Variants in FGF10 observed in about 807,000 individuals in gnomAD.
FGF10 encodes the protein FGF-10.
FGF10 carries 2 observed loss-of-function variants against 19.8 expected under a neutral mutation model. The ratio of observed to expected loss-of-function variants is 0.10; its 90% CI spans 0.04 to 0.32. FGF10 has a LOEUF of 0.32. Ranked by LOEUF, FGF10 falls within the 10% of genes least tolerant of loss-of-function variation. FGF10 has a pLI of 1.00. For synonymous variants in FGF10, 112 were observed against 94.0 expected (o/e 1.19, Z -1.10); for missense variants, 191 against 246.3 (o/e 0.78, Z 1.50).
chr5:44,349,453 T>TATAAGAATATATATATATATCAGA (rs1741179488), intron 1 of FGF10, among the ~76,000 whole-genome samples: 1 of 23,060 alleles, frequency 4.3e-5, no homozygotes, highest in African/African-American at 1.4e-4. Flanking sequence ...TATATATATA[T>TATAAGAATATATATATATATCAGA]ATATATATAT....
rs938439944 is a variant in FGF10 at position 44,374,643 on chromosome 5, C to T, written c.325+13715G>A. On this transcript the variant is annotated intron_variant, in intron 1 of 2. Coordinates refer to ENST00000264664, the MANE Select transcript of FGF10 (RefSeq NM_004465.2). ...CACAGACAAGACCACTCCCTTTACT[C>T]CCACTCTTTACAGCACTTTATTCTT... Among the ~76,000 whole-genome samples the T allele has an allele frequency of 2.6e-5, 4 of 152,298 alleles. No individual in the cohort carries two copies. The South Asian group carries it at 8.3e-4, about 32-fold the overall frequency.
intron 1 of FGF10, among the ~76,000 whole-genome samples, chr5:44,350,374 T>G (rs1417836601): frequency 6.6e-6 from 1 of 150,810 alleles, no homozygotes; most frequent in Non-Finnish European, 1.5e-5. Flanking sequence ...CCATTTAATG[T>G]GTAATTATAT....
intron 2 of FGF10, among the ~76,000 whole-genome samples, chr5:44,308,669 C>G (rs1740138760): frequency 6.6e-6 from 1 of 152,208 alleles, no homozygotes; most frequent in South Asian, 2.1e-4. Context: ...AGAAATTTTA[C>G]TAAAATTCCT....
intron 1 of FGF10, among the ~76,000 whole-genome samples, chr5:44,344,044 A>T (rs566445147): frequency 6.6e-6 from 1 of 152,044 alleles, no homozygotes; most frequent in Admixed American, 6.6e-5. Context: ...TCAAAGCACA[A>T]CTCTGATTAA....
intron 1 of FGF10, among the ~76,000 whole-genome samples, chr5:44,371,036 G>A (rs1195228450): frequency 6.6e-6 from 1 of 151,994 alleles, no homozygotes; most frequent in Non-Finnish European, 1.5e-5. Flanking sequence ...ATTTGCTATG[G>A]TTTGAATATT....
intron 1 of FGF10, among the ~76,000 whole-genome samples, chr5:44,351,420 G>T (rs1329936647): frequency 6.6e-6 from 1 of 151,544 alleles, no homozygotes; most frequent in Non-Finnish European, 1.5e-5. Flanking sequence ...CACCTTCTCT[G>T]ATTTATCCCA....
chr5:44,310,565 A>T lies in FGF10; in HGVS notation c.326-35T>A, dbSNP rs200636378. On this transcript the variant is annotated intron_variant, in intron 1 of 2. Coordinates refer to ENST00000264664, the MANE Select transcript of FGF10 (RefSeq NM_004465.2). Reference sequence around the variant, plus strand: ...ACAATTTTAAAAGGCTAAATAAAGAATCCTAAATATATTTGGAAGAAAAGT... The same window carrying T: ...ACAATTTTAAAAGGCTAAATAAAGATTCCTAAATATATTTGGAAGAAAAGT... 1.3e-5 allele frequency: 18 copies of T among 1,401,408 alleles called. 1 individual carries two copies. The East Asian group carries it at 4.2e-4, about 32-fold the overall frequency. The allele number at this position is 1,401,408 out of a possible 1,614,324, so 86.8% of individuals were successfully genotyped here.
At chr5:44,350,408 T>C (rs1490298753) in intron 1 of FGF10, among the ~76,000 whole-genome samples, 1 of 150,608 alleles carries the variant, frequency 6.6e-6, no homozygotes, top group Admixed American at 6.6e-5. Context: ...GGGAAAAAAA[T>C]AAAAAGAAAT....
intron 1 of FGF10, among the ~76,000 whole-genome samples, chr5:44,378,674 G>T (rs751356181): frequency 3.3e-5 from 5 of 152,074 alleles, no homozygotes; most frequent in Non-Finnish European, 5.9e-5. Flanking sequence ...CTCATGATCT[G>T]CCCTCCTCGG....
rs545075611 is a variant in FGF10 at position 44,308,536 on chromosome 5, G to A, written c.429+1891C>T. 3.3e-5 allele frequency among the ~76,000 whole-genome samples: 5 copies of A among 152,106 alleles called. No individual in the cohort carries two copies. The South Asian group carries it at 6.2e-4, about 19-fold the overall frequency. On this transcript the variant is annotated intron_variant, in intron 2 of 2. Transcript: ENST00000264664. ...ATATAGTAGATCAAGGAAGAACCTG[G>A]ACATGTTTAATGAAAACATTAAACA...
chr5:44,357,227 C>T (rs984814350), intron 1 of FGF10, among the ~76,000 whole-genome samples: 4 of 151,360 alleles, frequency 2.6e-5, no homozygotes, highest in Non-Finnish European at 5.9e-5. Context: ...CAGAAAGGGG[C>T]CATACCAGTG....
intron 1 of FGF10, among the ~76,000 whole-genome samples, chr5:44,384,944 A>C (rs1207902582): frequency 6.6e-6 from 1 of 152,040 alleles, no homozygotes; most frequent in Non-Finnish European, 1.5e-5. Flanking sequence ...ACCATGGGAG[A>C]AGCTCACAGC....
intron 1 of FGF10, among the ~76,000 whole-genome samples, chr5:44,340,159 A>C (rs16873982): frequency 0.28 from 42,286 of 151,958 alleles, 6,225 homozygotes; most frequent in Admixed American, 0.4. Context: ...GGAGTGTATA[A>C]AAATGACGGG....
At chr5:44,372,805 G>A (rs1262751014) in intron 1 of FGF10, among the ~76,000 whole-genome samples, 1 of 152,122 alleles carries the variant, frequency 6.6e-6, no homozygotes, top group Non-Finnish European at 1.5e-5. Context: ...GAAGTCACTG[G>A]TCCCAAGCAA....
In FGF10 at chr5:44,389,196, GTA is replaced by G; in HGVS notation, c.-516_-515del. The G allele has an allele frequency of 5.1e-6, 1 of 196,366 alleles. No homozygotes were observed. Among genetic ancestry groups the G allele is most frequent in the Non-Finnish European group, 1.1e-5 (1 of 93,196 alleles). 12.2% of individuals were successfully genotyped at this position (196,366 alleles called of 1,614,324 possible). A position where few individuals can be genotyped will look rare whatever the true frequency, so the allele number is the denominator to read the frequency against. On this transcript the variant is annotated 5_prime_UTR_variant, in exon 1 of 3. Transcript: ENST00000264664. The stretch of plus-strand genomic sequence containing the variant: ...CCCAGCCTGCGAGCCACTTCTACAA[GTA>G]TATCCCTTTGGAGTTGTCAGAAGTG...
chr5:44,318,555 G>A (rs1265994029), intron 1 of FGF10, among the ~76,000 whole-genome samples: 1 of 152,050 alleles, frequency 6.6e-6, no homozygotes, highest in African/African-American at 2.4e-5. Context: ...GTCTTCTCGC[G>A]AGCATTGGAA....
chr5:44,372,595 A>G (rs1741765566), intron 1 of FGF10, among the ~76,000 whole-genome samples: 1 of 152,190 alleles, frequency 6.6e-6, no homozygotes, highest in Admixed American at 6.5e-5. Flanking sequence ...CAAAAATCTC[A>G]AATTGTGTAA....
At chr5:44,377,238 C>T (rs1741887812) in intron 1 of FGF10, among the ~76,000 whole-genome samples, 1 of 152,188 alleles carries the variant, frequency 6.6e-6, no homozygotes, top group African/African-American at 2.4e-5. Flanking sequence ...CTGCTGTTTA[C>T]TTAAATTCTG....
intron 1 of FGF10, among the ~76,000 whole-genome samples, chr5:44,320,657 A>G (rs908083644): frequency 1.3e-5 from 2 of 152,174 alleles, no homozygotes; most frequent in African/African-American, 4.8e-5. Context: ...CTTCTTCACC[A>G]CATGCAGATT....
Sources: allele counts gnomAD v4.1 joint callset (sites outside exome capture counted in the v4.1 genomes callset), GRCh38; gene constraint gnomAD v4.1.1; transcripts MANE v1.5; gene names NCBI Gene and HGNC (gene_info 2026-07-23, HGNC 2026-07-21).